BCKDHB: variants seen among roughly 807,000 people sequenced by gnomAD.
BCKDHB encodes branched chain keto acid dehydrogenase E1 subunit beta, also known as 2-oxoisovalerate dehydrogenase subunit beta, mitochondrial.
In BCKDHB, 41 loss-of-function variants were observed where a neutral mutation model predicts 48.5. The observed-to-expected ratio is 0.85, with a 90% CI of 0.66 to 1.10. The LOEUF is 1.10. Among genes scored for constraint, BCKDHB ranks in the 50% least tolerant of loss-of-function variants. The probability of loss-of-function intolerance (pLI) is 0.00; values close to 1 mark genes in which losing one functional copy is unlikely to be tolerated. For missense variants in BCKDHB, 496 were observed against 494.2 expected, an observed-to-expected ratio of 1.00 and a Z score of -0.03; for synonymous variants, 201 against 174.8, an observed-to-expected ratio of 1.15 and a Z score of -1.18.
At position 80,309,711 on chromosome 6, in the gene BCKDHB, T is replaced by A. The variant is rs72904240; in HGVS notation, c.1039-33953T>A. Among the ~76,000 whole-genome samples the A allele has an allele frequency of 2.6e-3, 389 of 152,338 alleles. 2 individuals are homozygous for A. The highest frequency in any genetic ancestry group is 4.7e-3 in the Non-Finnish European group (318 of 68,028). ...GCTTTATTCTTTACCATTTTACTTG[T>A]TAAAACTTTTATTTTAGTATCGGGG... On this transcript the variant is annotated intron_variant, in intron 9 of 9. Transcript: ENST00000320393.
At chr6:80,331,956 G>C (rs954346301) in intron 9 of BCKDHB, among the ~76,000 whole-genome samples, 1 of 130,376 alleles carries the variant, frequency 7.7e-6, no homozygotes, top group Non-Finnish European at 1.6e-5. Context: ...ATGCTCATTT[G>C]GGGGGGACTA....
At chr6:80,462,965 A>G in the BCKDHB span, 1 of 152,230 alleles carries the variant, frequency 6.6e-6, no homozygotes, top group African/African-American at 2.4e-5. Context: ...CGCATGAAAA[A>G]TGGAGCTTGT....
At chr6:80,221,249 T>G (rs965205364) in intron 8 of BCKDHB, among the ~76,000 whole-genome samples, 3 of 152,174 alleles carry the variant, frequency 2.0e-5, no homozygotes, top group African/African-American at 7.2e-5. Context: ...CTCTACTCTT[T>G]GTTTATATTT....
downstream of BCKDHB, among the ~76,000 whole-genome samples, chr6:80,347,011 AAAAG>A (rs1770230777): frequency 6.6e-6 from 1 of 151,980 alleles, no homozygotes; most frequent in East Asian, 1.9e-4. Context: ...AAGAAAAAAA[AAAAG>A]AACACTTTTC....
rs77992428 is a variant in BCKDHB, at chr6:80,299,292, G to C, written c.1038+26071G>C. ...TACCCAAAAGTCAGCCAGTTGGTGT[G>C]TGTGTGCAGATGATTTTCCTTTGGG... On this transcript the variant is annotated intron_variant, in intron 9 of 9. Coordinates refer to ENST00000320393, the MANE Select transcript of BCKDHB (RefSeq NM_183050.4). Among the ~76,000 whole-genome samples, 1,413 of 152,278 alleles carry C rather than the reference G, an allele frequency of 9.3e-3. 29 individuals carry two copies. The highest frequency in any genetic ancestry group is 0.032 in the African/African-American group (1,344 of 41,560).
the BCKDHB span, among the ~76,000 whole-genome samples, chr6:80,354,147 C>CTATT: frequency 2.6e-5 from 4 of 152,064 alleles, no homozygotes; most frequent in Non-Finnish European, 5.9e-5. Context: ...TCTATTCACC[C>CTATT]TATTGATCAT....
chr6:80,168,952 T>A lies in BCKDHB; in HGVS notation c.555T>A (p.Pro185=), dbSNP rs749123579. The A allele has an allele frequency of 6.2e-7, 1 of 1,614,162 alleles. No homozygotes were observed. The part of the protein sequence containing the change: ...FNCGSLTIRS[P]WGCVGHGALY... ...GTGGAAGCCTCACTATCCGGTCCCC[T>A]TGGGGCTGTGTTGGTCATGGGGCTC... Residue 185 remains proline, a synonymous_variant, in exon 5 of 10, where the codon CCT becomes CCA. Transcript: ENST00000320393.
intron 9 of BCKDHB, among the ~76,000 whole-genome samples, chr6:80,291,064 G>T (rs1253059982): frequency 6.6e-6 from 1 of 152,170 alleles, no homozygotes; most frequent in Non-Finnish European, 1.5e-5. Flanking sequence ...TCTGTACCTT[G>T]TGCCAACCTC....
At chr6:80,209,793 A>G (rs1405945757) in intron 8 of BCKDHB, among the ~76,000 whole-genome samples, 1 of 152,022 alleles carries the variant, frequency 6.6e-6, no homozygotes, top group African/African-American at 2.4e-5. Context: ...GGCTGATAAC[A>G]TTGTGCTTCA....
intron 9 of BCKDHB, among the ~76,000 whole-genome samples, chr6:80,283,932 A>G (rs1766497810): frequency 6.6e-6 from 1 of 152,154 alleles, no homozygotes; most frequent in African/African-American, 2.4e-5. Flanking sequence ...TTAGGCAAAA[A>G]TGAAGACACA....
intron 8 of BCKDHB, among the ~76,000 whole-genome samples, chr6:80,219,214 T>C (rs944853181): frequency 6.6e-6 from 1 of 152,048 alleles, no homozygotes; most frequent in Non-Finnish European, 1.5e-5. Context: ...TTTTTTTTTT[T>C]TCTTTTTTTG....
chr6:80,309,133 G>C (rs1019130365), intron 9 of BCKDHB, among the ~76,000 whole-genome samples: 3 of 150,842 alleles, frequency 2.0e-5, no homozygotes, highest in African/African-American at 4.9e-5. Flanking sequence ...GCATGATCTC[G>C]GCTCACTGCA....
chr6:80,242,379 C>G (rs540742005), intron 8 of BCKDHB, among the ~76,000 whole-genome samples: 4 of 152,158 alleles, frequency 2.6e-5, no homozygotes, highest in Non-Finnish European at 4.4e-5. Flanking sequence ...CAATACCTCT[C>G]TATCTTAACA....
the BCKDHB span, among the ~76,000 whole-genome samples, chr6:80,392,798 C>T: frequency 6.6e-6 from 1 of 150,732 alleles, no homozygotes; most frequent in African/African-American, 2.4e-5. Context: ...TAGGAGTCCT[C>T]TGCTTCATCA....
intron 3 of BCKDHB, among the ~76,000 whole-genome samples, chr6:80,163,955 C>T (rs1772447244): frequency 6.6e-6 from 1 of 152,148 alleles, no homozygotes; most frequent in Non-Finnish European, 1.5e-5. Flanking sequence ...ACCTTCTCTG[C>T]TATTATGCAT....
chr6:80,194,484 A>G (rs78903554), intron 6 of BCKDHB, among the ~76,000 whole-genome samples: 2,186 of 152,218 alleles, frequency 0.014, 52 homozygotes, highest in African/African-American at 0.049. Flanking sequence ...TCCAGAGTCT[A>G]TTTATCGTTC....
At chr6:80,191,684 G>A (rs971913692) in intron 6 of BCKDHB, among the ~76,000 whole-genome samples, 1 of 152,024 alleles carries the variant, frequency 6.6e-6, no homozygotes, top group Non-Finnish European at 1.5e-5. Flanking sequence ...TCATAATACA[G>A]CTTAGAATAA....
chr6:80,115,187 T>C (rs750050360), intron 1 of BCKDHB, among the ~76,000 whole-genome samples: 1 of 152,164 alleles, frequency 6.6e-6, no homozygotes, highest in Non-Finnish European at 1.5e-5. Flanking sequence ...CAGGCTGAAG[T>C]GCAGTGGCTA....
intron 8 of BCKDHB, 98 bp from the exon 9 acceptor site, chr6:80,273,037 G>T: frequency 1.1e-6 from 1 of 882,830 alleles, no homozygotes; most frequent in Non-Finnish European, 1.8e-6. Context: ...ACTATTTATT[G>T]AATGTATATA....
Sources: gnomAD v4.1 joint callset for allele counts (sites outside exome capture counted in the v4.1 genomes callset) on GRCh38, gnomAD v4.1.1 for gene constraint, MANE v1.5 for transcripts, NCBI Gene and HGNC (gene_info 2026-07-23, HGNC 2026-07-21) for gene names.